BORCS5: variants seen among roughly 807,000 people sequenced by gnomAD.
BORCS5 encodes BLOC-1 related complex subunit 5.
In BORCS5, 17 loss-of-function variants were observed where a neutral mutation model predicts 22.1. The observed-to-expected ratio is 0.77, with a 90% CI of 0.53 to 1.15. BORCS5 has a LOEUF of 1.15. BORCS5 is among the 50% of genes most tolerant of loss of function. The pLI is 0.00. For missense variants in BORCS5, 247 were observed against 253.2 expected, an observed-to-expected ratio of 0.98 and a Z score of 0.17; for synonymous variants, 117 against 99.8, an observed-to-expected ratio of 1.17 and a Z score of -1.03.
chr12:12,374,801 C>CA (rs1863610949), intron 2 of BORCS5, among the ~76,000 whole-genome samples: 1 of 151,374 alleles, frequency 6.6e-6, no homozygotes, highest in Non-Finnish European at 1.5e-5. Context: ...CCACTAAAGA[C>CA]AAAAAAATTA....
chr12:12,398,608 A>G (rs1234708969), intron 2 of BORCS5, among the ~76,000 whole-genome samples: 1 of 152,146 alleles, frequency 6.6e-6, no homozygotes, highest in Non-Finnish European at 1.5e-5. Flanking sequence ...CTTTTGGCTC[A>G]ATATAATGCT....
chr12:12,424,697 T>C (rs1350006643), intron 2 of BORCS5, among the ~76,000 whole-genome samples: 1 of 152,104 alleles, frequency 6.6e-6, no homozygotes, highest in African/African-American at 2.4e-5. Context: ...TACTGTTTTT[T>C]GGGTTTATTT....
intron 2 of BORCS5, among the ~76,000 whole-genome samples, chr12:12,424,734 G>A (rs1374730145): frequency 5.3e-5 from 8 of 152,010 alleles, no homozygotes; most frequent in African/African-American, 1.9e-4. Context: ...TACAGGATGT[G>A]TCTGTGCCAA....
chr12:12,412,900 C>CTTTTTTTT (rs869045354), intron 2 of BORCS5, among the ~76,000 whole-genome samples: 432 of 74,142 alleles, frequency 5.8e-3, no homozygotes, highest in East Asian at 0.016. Context: ...TTGTGGTTTT[C>CTTTTTTTT]TTTTTTTTTT....
chr12:12,408,012 T>C (rs1941632715), intron 2 of BORCS5, among the ~76,000 whole-genome samples: 1 of 152,146 alleles, frequency 6.6e-6, no homozygotes, highest in African/African-American at 2.4e-5. Context: ...CCTGGCCAAA[T>C]ATTACTATTC....
chr12:12,361,417 C>G lies in BORCS5; in HGVS notation c.202+68C>G, dbSNP rs961763457. On this transcript the variant is annotated intron_variant, in intron 2 of 3. Transcript: ENST00000314565. ...TTTGTGTAGCCCTACTACTTTCCCTCTACTTATCCATGTATCTTGCTCTCT... is the reference window on the plus strand; with the variant it reads ...TTTGTGTAGCCCTACTACTTTCCCTGTACTTATCCATGTATCTTGCTCTCT... The G allele has an allele frequency of 2.6e-6, 4 of 1,549,834 alleles. No individual in the cohort carries two copies. The East Asian group carries it at 6.8e-5, about 26-fold the overall frequency.
rs1942002174 is a variant in BORCS5, at chr12:12,417,536, C to T, written c.203-18092C>T. Among the ~76,000 whole-genome samples, 6 of 152,082 alleles carry T rather than the reference C, an allele frequency of 3.9e-5. No homozygotes were observed. In the South Asian group the frequency reaches 1.2e-3, roughly 32 times the overall value. ...TTATCTTCTGTTTGGTGGTTCTAGT[C>T]ATTATTGTGAGTGGGATATTGAGAC... On this transcript the variant is annotated intron_variant, in intron 2 of 3. Coordinates refer to ENST00000314565, the MANE Select transcript of BORCS5 (RefSeq NM_058169.6).
At chr12:12,397,174 G>A (rs931413651) in intron 2 of BORCS5, among the ~76,000 whole-genome samples, 2 of 151,938 alleles carry the variant, frequency 1.3e-5, no homozygotes, top group African/African-American at 4.8e-5. Flanking sequence ...GAGAACTTTG[G>A]AACTCCCCAG....
intron 3 of BORCS5, among the ~76,000 whole-genome samples, chr12:12,436,874 G>A (rs1942567176): frequency 6.6e-6 from 1 of 152,116 alleles, no homozygotes; most frequent in South Asian, 2.1e-4. Flanking sequence ...TATTAAACAT[G>A]ACCTTTGATA....
intron 2 of BORCS5, among the ~76,000 whole-genome samples, chr12:12,386,762 G>GC (rs1434273667): frequency 6.6e-6 from 1 of 151,378 alleles, no homozygotes; most frequent in African/African-American, 2.4e-5. Flanking sequence ...CAGCCACCGT[G>GC]CCCGGCCTTT....
At chr12:12,418,510 C>CAA (rs1942031728) in intron 2 of BORCS5, among the ~76,000 whole-genome samples, 1 of 152,044 alleles carries the variant, frequency 6.6e-6, no homozygotes, top group South Asian at 2.1e-4. Flanking sequence ...CATAGTTAGA[C>CAA]CCCCATCTCT....
intron 3 of BORCS5, among the ~76,000 whole-genome samples, chr12:12,448,975 G>A (rs1030661391): frequency 2.0e-5 from 3 of 152,036 alleles, no homozygotes; most frequent in Admixed American, 1.3e-4. Flanking sequence ...GTCTTTATAG[G>A]ATGCAACCAC....
chr12:12,390,562 G>A (rs1941147943), intron 2 of BORCS5, among the ~76,000 whole-genome samples: 1 of 151,886 alleles, frequency 6.6e-6, no homozygotes, highest in African/African-American at 2.4e-5. Flanking sequence ...TGAGGCAGGA[G>A]GATCACCTGA....
rs1480885424 is a variant in BORCS5, at chr12:12,466,834, G to T, written c.*1058G>T. ...GTTCCCTAAGTTCCTGCAAGCGTCG[G>T]GAGGTGTGTTTTCAGATACCAGAAA... On this transcript the variant is annotated 3_prime_UTR_variant, in exon 4 of 4. Coordinates refer to ENST00000314565, the MANE Select transcript of BORCS5 (RefSeq NM_058169.6). 6.6e-6 allele frequency: 1 copy of T among 152,204 alleles called. No individual in the cohort carries two copies. Among genetic ancestry groups the T allele is most frequent in the African/African-American group, 2.4e-5 (1 of 41,436 alleles). The allele number at this position is 152,204 out of a possible 1,614,324, so 9.4% of individuals were successfully genotyped here.
chr12:12,422,442 C>T (rs1337204181), intron 2 of BORCS5, among the ~76,000 whole-genome samples: 1 of 152,052 alleles, frequency 6.6e-6, no homozygotes, highest in African/African-American at 2.4e-5. Flanking sequence ...GGTGAAACCC[C>T]ATCTCTACTA....
At position 12,413,959 on chromosome 12, in the gene BORCS5, C is replaced by T. The variant is rs1348072419; in HGVS notation, c.203-21669C>T. Among the ~76,000 whole-genome samples the T allele has an allele frequency of 2.9e-4, 14 of 48,658 alleles. 1 individual carries two copies. The South Asian group carries it at 3.7e-3, about 13-fold the overall frequency. 31.9% of individuals were successfully genotyped at this position (48,658 alleles called of 152,430 possible). On this transcript the variant is annotated intron_variant, in intron 2 of 3. Transcript: ENST00000314565. ...CTGACCCCCCCACCTCCCTCCCGGACGGGGCGGCTGGCCGGGCAGAGGGGT... is the reference window on the plus strand; with the variant it reads ...CTGACCCCCCCACCTCCCTCCCGGATGGGGCGGCTGGCCGGGCAGAGGGGT...
At chr12:12,406,421 T>C (rs1941596383) in intron 2 of BORCS5, among the ~76,000 whole-genome samples, 1 of 152,220 alleles carries the variant, frequency 6.6e-6, no homozygotes. Flanking sequence ...TCAGGGCGTC[T>C]TCTCCAGTGT....
At chr12:12,420,535 T>C (rs1942088623) in intron 2 of BORCS5, among the ~76,000 whole-genome samples, 1 of 152,224 alleles carries the variant, frequency 6.6e-6, no homozygotes, top group African/African-American at 2.4e-5. Flanking sequence ...CGGGCTCTTT[T>C]TTGGTTCCAT....
At chr12:12,408,391 T>TA (rs1190766184) in intron 2 of BORCS5, among the ~76,000 whole-genome samples, 1 of 152,232 alleles carries the variant, frequency 6.6e-6, no homozygotes, top group African/African-American at 2.4e-5. Context: ...CACAATGTGG[T>TA]AAAATACACT....
Sources: gnomAD v4.1 joint callset for allele counts (sites outside exome capture counted in the v4.1 genomes callset) on GRCh38, gnomAD v4.1.1 for gene constraint, MANE v1.5 for transcripts, NCBI Gene and HGNC (gene_info 2026-07-23, HGNC 2026-07-21) for gene names.